KDM2B: variants seen among roughly 807,000 people sequenced by gnomAD.
The protein encoded by KDM2B is lysine-specific demethylase 2B.
A neutral mutation model predicts 150.0 loss-of-function variants in KDM2B; 26 were observed. The ratio of observed to expected loss-of-function variants is 0.17; its 90% CI spans 0.13 to 0.24. The LOEUF (loss-of-function observed/expected upper bound fraction) is 0.24, where lower values mean the gene tolerates loss of function less well. Among genes scored for constraint, KDM2B ranks in the 10% least tolerant of loss-of-function variants. The pLI, the probability that KDM2B is intolerant of heterozygous loss-of-function variation, is 1.00. For missense variants in KDM2B, 1,265 were observed against 1,816.9 expected, an observed-to-expected ratio of 0.70 and a Z score of 5.52; for synonymous variants, 734 against 729.5, an observed-to-expected ratio of 1.01 and a Z score of -0.10.
chr12:121,509,801 C>T lies in KDM2B; in HGVS notation c.1413G>A (p.Arg471=), dbSNP rs1885420698. 1 of 1,613,970 alleles carries T rather than the reference C, an allele frequency of 6.2e-7. No individual in the cohort carries two copies. The highest frequency in any genetic ancestry group is 8.5e-7 in the Non-Finnish European group (1 of 1,180,042). The change falls in exon 11 of 23, where the codon AGG becomes AGA. Residue 471 remains arginine, a synonymous_variant. Transcript: ENST00000377071. ...PKAPALRFLK[R]TLSNESEESV... ...TTTCCTCCGACTCATTAGACAAAGT[C>T]CTTTTGAGGAATCGCAGGGCAGGTG...
intron 8 of KDM2B, among the ~76,000 whole-genome samples, chr12:121,523,460 C>T (rs1359954984): frequency 4.6e-5 from 7 of 152,338 alleles, no homozygotes; most frequent in Non-Finnish European, 1.0e-4. Flanking sequence ...CCCAGCCATG[C>T]ACTTTATTCT....
chr12:121,572,766 C>T (rs1405378078), intron 4 of KDM2B, among the ~76,000 whole-genome samples: 5 of 151,884 alleles, frequency 3.3e-5, no homozygotes, highest in Admixed American at 6.6e-5. Context: ...GTGAGCCTCC[C>T]GTCACAGCCT....
At chr12:121,519,909 T>G (rs1485494931) in intron 9 of KDM2B, among the ~76,000 whole-genome samples, 1 of 152,206 alleles carries the variant, frequency 6.6e-6, no homozygotes, top group Non-Finnish European at 1.5e-5. Flanking sequence ...TGTTTTTTAG[T>G]ATGAGACAGG....
Position 121,533,062 on chromosome 12 carries a change from G to A in KDM2B, c.778-103C>T, listed in dbSNP as rs578047018. On this transcript the variant is annotated intron_variant, in intron 7 of 22. Coordinates refer to ENST00000377071, the MANE Select transcript of KDM2B (RefSeq NM_032590.5). This position sits in a 1 kb window ranked among gnomAD's most constrained non-coding sequence, Gnocchi z 4.1. Reference sequence around the variant, plus strand: ...GGAAGGGGAGGGGGCGAGACAAGCTGTGTGTGGGGTGGGGGGTGTGGAGAG... The same window carrying A: ...GGAAGGGGAGGGGGCGAGACAAGCTATGTGTGGGGTGGGGGGTGTGGAGAG... The A allele has an allele frequency of 1.9e-4, 218 of 1,145,602 alleles. No homozygotes were observed. In the African/African-American group the frequency reaches 3.1e-3, roughly 16 times the overall value. The allele number at this position is 1,145,602 out of a possible 1,614,324, so 71.0% of individuals were successfully genotyped here. A position where few individuals can be genotyped will look rare whatever the true frequency, so the allele number is the denominator to read the frequency against.
the KDM2B span, chr12:121,418,365 A>C: frequency 2.0e-3 from 322 of 159,430 alleles, 1 homozygote; most frequent in Admixed American, 3.3e-3. Flanking sequence ...CATCTGAATT[A>C]GTGAAAAAAT....
Position 121,526,232 on chromosome 12 carries a change from A to G in KDM2B, c.932-5132T>C, listed in dbSNP as rs143279466. Among the ~76,000 whole-genome samples the G allele has an allele frequency of 7.7e-3, 1,175 of 152,266 alleles. 10 individuals are homozygous for G. The highest frequency in any genetic ancestry group is 0.027 in the African/African-American group (1,128 of 41,536). ...GCTGGGTGTGGTGGCACACGCCTGTAATCCCAGCTACTCAGGAGGCTGAGG... is the reference window on the plus strand; with the variant it reads ...GCTGGGTGTGGTGGCACACGCCTGTGATCCCAGCTACTCAGGAGGCTGAGG... On this transcript the variant is annotated intron_variant, in intron 8 of 22. Coordinates refer to ENST00000377071, the MANE Select transcript of KDM2B (RefSeq NM_032590.5).
rs1223105851 is a variant in KDM2B, at chr12:121,510,123, C to T, written c.1175-84G>A. The T allele has an allele frequency of 2.1e-5, 25 of 1,178,804 alleles. 2 individuals carry two copies. In the Middle Eastern group the frequency reaches 3.0e-3, roughly 142 times the overall value. The allele number at this position is 1,178,804 out of a possible 1,614,324, so 73.0% of individuals were successfully genotyped here. On this transcript the variant is annotated intron_variant, in intron 10 of 22. Coordinates refer to ENST00000377071, the MANE Select transcript of KDM2B (RefSeq NM_032590.5). ...TTGGAACCTCCACTCACCAAAAGTC[C>T]CCTTTACTCCAGAGATCCAGCTTCT...
At position 121,430,198 on chromosome 12, in the gene KDM2B, C is replaced by T. The variant is rs782523511; in HGVS notation, c.*90G>A. 1.2e-6 allele frequency: 2 copies of T among 1,614,170 alleles called. No homozygotes were observed. Among genetic ancestry groups the T allele is most frequent in the Non-Finnish European group, 1.7e-6 (2 of 1,180,032 alleles). ...TGGAATTGCGTTGTGGTCTGTTGTC[C>T]CACGTTCCAAATGGAAAATAAAAGC... On this transcript the variant is annotated 3_prime_UTR_variant, in exon 23 of 23. Coordinates refer to ENST00000377071, the MANE Select transcript of KDM2B (RefSeq NM_032590.5). The surrounding 1 kb of genome is among the most constrained non-coding windows in gnomAD (Gnocchi z 4.4).
chr12:121,572,364 C>G (rs1407629723), intron 4 of KDM2B, among the ~76,000 whole-genome samples: 1 of 152,212 alleles, frequency 6.6e-6, no homozygotes, highest in Non-Finnish European at 1.5e-5. Context: ...CCCTCACATC[C>G]CAGCTCCGTG....
At chr12:121,555,402 T>A (rs1295202208) in intron 4 of KDM2B, among the ~76,000 whole-genome samples, 1 of 152,194 alleles carries the variant, frequency 6.6e-6, no homozygotes, top group Non-Finnish European at 1.5e-5. Flanking sequence ...AGACAGAGTC[T>A]CGCTCTGTCT....
intron 12 of KDM2B, among the ~76,000 whole-genome samples, chr12:121,480,276 A>G (rs1881945341): frequency 6.6e-6 from 1 of 151,516 alleles, no homozygotes; most frequent in South Asian, 2.1e-4. Flanking sequence ...TACTTTAACC[A>G]AGACTTTAAA....
rs538073860 is a variant in KDM2B at position 121,536,389 on chromosome 12, G to T, written c.684-1799C>A. Reference sequence around the variant, plus strand: ...AGGGGTGTAGTTGACAGCACAGGACGCAGGCTGTCACGAAGACAGGCGCGG... The same window carrying T: ...AGGGGTGTAGTTGACAGCACAGGACTCAGGCTGTCACGAAGACAGGCGCGG... On this transcript the variant is annotated intron_variant, in intron 6 of 22. Transcript: ENST00000377071. 9.8e-5 allele frequency among the ~76,000 whole-genome samples: 15 copies of T among 152,378 alleles called. No homozygotes were observed. In the South Asian group the frequency reaches 2.3e-3, roughly 23 times the overall value.
intron 4 of KDM2B, among the ~76,000 whole-genome samples, chr12:121,560,311 G>A (rs1890246188): frequency 6.6e-6 from 1 of 152,162 alleles, no homozygotes; most frequent in Non-Finnish European, 1.5e-5. Context: ...AGCCTGGACT[G>A]ACCCATTTCC....
In KDM2B at chr12:121,536,818, G is replaced by T. The variant is rs138645297; in HGVS notation, c.684-2228C>A. 8.6e-3 allele frequency among the ~76,000 whole-genome samples: 1,312 copies of T among 152,272 alleles called. 19 individuals are homozygous for T. The highest frequency in any genetic ancestry group is 0.03 in the African/African-American group (1,229 of 41,548). ...AGCTGGAAGCCCGCGGGTACCCACA[G>T]CAGAGAGGAGAGGACAGGAGCTCGC... On this transcript the variant is annotated intron_variant, in intron 6 of 22. Coordinates refer to ENST00000377071, the MANE Select transcript of KDM2B (RefSeq NM_032590.5).
At chr12:121,420,313 A>T in the KDM2B span, 272 of 1,576,760 alleles carry the variant, frequency 1.7e-4, no homozygotes, top group Middle Eastern at 5.0e-4. Flanking sequence ...ATGATGATGA[A>T]GAAGAAAACG....
intron 4 of KDM2B, among the ~76,000 whole-genome samples, chr12:121,553,624 C>T (rs1162072244): frequency 6.6e-6 from 1 of 152,162 alleles, no homozygotes; most frequent in Non-Finnish European, 1.5e-5. Context: ...ATGCACTTCA[C>T]ACTCACTTGG....
In KDM2B at chr12:121,468,690, C is replaced by G. The variant is rs1462773264; in HGVS notation, c.1735-15346G>C. 6.6e-6 allele frequency: 1 copy of G among 152,186 alleles called. No homozygotes were observed. Among genetic ancestry groups the G allele is most frequent in the Non-Finnish European group, 1.5e-5 (1 of 68,042 alleles). 9.4% of individuals were successfully genotyped at this position (152,186 alleles called of 1,614,324 possible). On this transcript the variant is annotated intron_variant, in intron 12 of 22. Coordinates refer to ENST00000377071, the MANE Select transcript of KDM2B (RefSeq NM_032590.5). This position sits in a 1 kb window ranked among gnomAD's most constrained non-coding sequence, Gnocchi z 4.0. ...GAACAGAAGGGATGGGCAGGCTGGT[C>G]CTGGCCTGGCCTTTCAAAGAAGGCA...
At chr12:121,517,411 G>A (rs987230637) in intron 9 of KDM2B, among the ~76,000 whole-genome samples, 4 of 151,910 alleles carry the variant, frequency 2.6e-5, no homozygotes, top group Admixed American at 6.6e-5. Context: ...GGAACCCTGG[G>A]GTTCCCTAGT....
intron 21 of KDM2B, chr12:121,440,535 C>T (rs781892731): frequency 2.1e-4 from 94 of 438,006 alleles, no homozygotes; most frequent in African/African-American, 5.1e-4. Flanking sequence ...GCCCCATGAG[C>T]GAGTCAATAA....
Sources: allele counts gnomAD v4.1 joint callset (sites outside exome capture counted in the v4.1 genomes callset), GRCh38; gene constraint gnomAD v4.1.1; non-coding constraint Gnocchi (gnomAD v3.1); transcripts MANE v1.5; gene names NCBI Gene and HGNC (gene_info 2026-07-23, HGNC 2026-07-21).